NEXMIF: variants seen among roughly 807,000 people sequenced by gnomAD.
NEXMIF encodes the protein neurite extension and migration factor.
In NEXMIF, 8 loss-of-function variants were observed where a neutral mutation model predicts 62.1. That is an observed-to-expected ratio of 0.13 (90% CI 0.08 to 0.23). The LOEUF (loss-of-function observed/expected upper bound fraction) is 0.23. NEXMIF is among the 10% of genes least tolerant of loss of function. NEXMIF has a pLI of 1.00. For missense variants in NEXMIF, 976 were observed against 1,113.3 expected (o/e 0.88, Z 1.75); for synonymous variants, 404 against 416.6 (o/e 0.97, Z 0.37).
intron 1 of NEXMIF, among the ~76,000 whole-genome samples, chrX:74,881,144 T>C (rs886616244): frequency 1.6e-4 from 18 of 111,015 alleles, no homozygotes; most frequent in African/African-American, 5.6e-4. Flanking sequence ...TGGAAATTGC[T>C]AGAGAAAAGA....
At chrX:74,764,278 T>G (rs2080187747) in intron 1 of NEXMIF, among the ~76,000 whole-genome samples, 1 of 112,043 alleles carries the variant, frequency 8.9e-6, no homozygotes, top group African/African-American at 3.2e-5. Flanking sequence ...GTTTATTGAT[T>G]TGGATATGTT....
chrX:74,874,139 G>C (rs759418533), intron 1 of NEXMIF, among the ~76,000 whole-genome samples: 80 of 108,488 alleles, frequency 7.4e-4, no homozygotes, highest in Non-Finnish European at 1.2e-3. Flanking sequence ...TAACGTTTAA[G>C]TCTTTAATCC....
rs191278246 is a variant in NEXMIF at position 74,756,515 on chromosome X, G to A, written c.-47-10818C>T. Among the ~76,000 whole-genome samples, 103 of 111,025 alleles carry A rather than the reference G, an allele frequency of 9.3e-4. 1 individual carries two copies. The highest frequency in any genetic ancestry group is 3.2e-3 in the African/African-American group (99 of 30,538). On this transcript the variant is annotated intron_variant, in intron 1 of 3. Transcript: ENST00000055682. ...TCCTTTTATTTGCCACATGAGACAA[G>A]GAATGGGCTATCCAGGAGCAAGGGA...
chrX:74,814,127 T>C (rs1027179542), intron 1 of NEXMIF, among the ~76,000 whole-genome samples: 1 of 111,598 alleles, frequency 9.0e-6, no homozygotes, highest in Admixed American at 9.6e-5. Flanking sequence ...GATATTGACA[T>C]GATATTGTAT....
rs1009419428 is a variant in NEXMIF at position 74,896,554 on chromosome X, G to T, written c.-48+28329C>A. ...GAAGGAGTGGTCAGGTAGTAAGAGA[G>T]AAAAGTTTTCTAGCTCTTTCTTTTC... is the stretch of plus-strand genomic sequence containing the variant. On this transcript the variant is annotated intron_variant, in intron 1 of 3. Coordinates refer to ENST00000055682, the MANE Select transcript of NEXMIF (RefSeq NM_001008537.3). Among the ~76,000 whole-genome samples, 5 of 112,185 alleles carry T rather than the reference G, an allele frequency of 4.5e-5. No individual in the cohort carries two copies. In the Admixed American group the frequency reaches 4.7e-4, roughly 11 times the overall value.
intron 1 of NEXMIF, among the ~76,000 whole-genome samples, chrX:74,839,562 T>TCCCA (rs1182122404): frequency 8.9e-6 from 1 of 111,836 alleles, no homozygotes; most frequent in Non-Finnish European, 1.9e-5. Flanking sequence ...CTCTCTGTCC[T>TCCCA]CCCACCCTTC....
intron 1 of NEXMIF, among the ~76,000 whole-genome samples, chrX:74,915,245 T>C (rs2080802708): frequency 9.0e-6 from 1 of 111,680 alleles, no homozygotes; most frequent in Admixed American, 9.5e-5. Flanking sequence ...AAGATCAGCC[T>C]GGGCAACACA....
chrX:74,881,421 CACAG>C (rs10531447), intron 1 of NEXMIF, among the ~76,000 whole-genome samples: 12,841 of 109,226 alleles, frequency 0.12, 1,324 homozygotes, highest in East Asian at 0.86. Context: ...CACACACACA[CACAG>C]AGCAAATACA....
intron 1 of NEXMIF, among the ~76,000 whole-genome samples, chrX:74,796,114 T>A (rs774073899): frequency 5.0e-5 from 4 of 80,012 alleles, no homozygotes; most frequent in South Asian, 5.3e-4. Context: ...TTATATATAT[T>A]ATATATATAT....
intron 1 of NEXMIF, among the ~76,000 whole-genome samples, chrX:74,843,302 G>A (rs866038484): frequency 9.0e-6 from 1 of 111,129 alleles, no homozygotes; most frequent in South Asian, 3.8e-4. Flanking sequence ...CCTTGTTTTT[G>A]CTCTGTTTTC....
intron 1 of NEXMIF, among the ~76,000 whole-genome samples, chrX:74,789,798 C>A (rs1215686784): frequency 1.4e-3 from 147 of 108,321 alleles, no homozygotes; most frequent in Non-Finnish European, 2.5e-3. Context: ...TGTTCATGTC[C>A]TTCGCCCACT....
chrX:74,755,937 T>C (rs1188911683), intron 1 of NEXMIF, among the ~76,000 whole-genome samples: 1 of 111,704 alleles, frequency 9.0e-6, no homozygotes, highest in African/African-American at 3.3e-5. Context: ...CAGGCTGGAG[T>C]GCAGTCACGC....
At chrX:74,813,435 C>T (rs2080366629) in intron 1 of NEXMIF, among the ~76,000 whole-genome samples, 1 of 111,913 alleles carries the variant, frequency 8.9e-6, no homozygotes. Context: ...CAAGAGCTGC[C>T]CACAGTTGCC....
intron 1 of NEXMIF, among the ~76,000 whole-genome samples, chrX:74,758,852 T>C (rs1358342257): frequency 3.6e-5 from 4 of 112,398 alleles, no homozygotes; most frequent in Non-Finnish European, 7.5e-5. Context: ...TGAATAGTGC[T>C]GCAATGAACA....
chrX:74,741,087 G>A lies in NEXMIF; in HGVS notation c.3470C>T (p.Ser1157Leu). ...VSLLQKNPCL[S>L]TFNDPSGQIS... ...TTGACCAGATGGATCATTAAATGTT[G>A]ACAGGCAAGGGTTTTTTTGGAGCAG... The change falls in exon 3 of 4, where the codon TCA (serine) becomes TTA (leucine). Residue 1157 changes from serine (S) to leucine (L), a missense_variant. Around this residue, in one of 5 missense-constraint regions of NEXMIF, gnomAD observed 639 missense variants for 694.5 expected, o/e 0.92. Transcript: ENST00000055682. 1 of 1,211,375 alleles carries A rather than the reference G, an allele frequency of 8.3e-7. No homozygotes were observed. The highest frequency in any genetic ancestry group is 1.1e-6 in the Non-Finnish European group (1 of 895,310).
At position 74,743,340 on chromosome X, in the gene NEXMIF, T is replaced by C. The variant is rs1337639160; in HGVS notation, c.1217A>G (p.Lys406Arg). The change falls in exon 3 of 4, where the codon AAG (lysine) becomes AGG (arginine). Residue 406 changes from lysine to arginine, a missense_variant. Coordinates refer to ENST00000055682, the MANE Select transcript of NEXMIF (RefSeq NM_001008537.3). ...EKKDGKDNGE[K>R]PALNKPCSGT... ...ACTGCATGGTTTATTTAAGGCAGGC[T>C]TTTCTCCATTATCCTTTCCATCTTT... 8.3e-7 allele frequency: 1 copy of C among 1,209,700 alleles called. No individual in the cohort carries two copies. The highest frequency in any genetic ancestry group is 3.0e-5 in the East Asian group (1 of 33,753).
At chrX:74,769,810 T>C (rs1327143332) in intron 1 of NEXMIF, 3 of 450,943 alleles carry the variant, frequency 6.7e-6, no homozygotes, top group Non-Finnish European at 1.2e-5. Context: ...TACAGTATTA[T>C]ACTATAAAAA....
chrX:74,819,992 G>A (rs983335897), intron 1 of NEXMIF, among the ~76,000 whole-genome samples: 9 of 111,709 alleles, frequency 8.1e-5, no homozygotes, highest in Non-Finnish European at 1.5e-4. Flanking sequence ...ATACACCATG[G>A]AATACTATGC....
At position 74,735,674 on chromosome X, in the gene NEXMIF, GA is replaced by G. The variant is rs748012162; in HGVS notation, c.*3730del. ...CAGCTAGCACCAAGGACTTCAGTGA[GA>G]TGGCTGAAGAAGTGATGATCAAAGT... On this transcript the variant is annotated 3_prime_UTR_variant, in exon 4 of 4. Coordinates refer to ENST00000055682, the MANE Select transcript of NEXMIF (RefSeq NM_001008537.3). The G allele has an allele frequency of 1.8e-5, 2 of 112,268 alleles. No homozygotes were observed. The highest frequency in any genetic ancestry group is 1.9e-4 in the Admixed American group (2 of 10,464). 9.3% of individuals were successfully genotyped at this position (112,268 alleles called of 1,213,427 possible). A position where few individuals can be genotyped will look rare whatever the true frequency, so the allele number is the denominator to read the frequency against.
Sources: gnomAD v4.1 joint callset for allele counts (sites outside exome capture counted in the v4.1 genomes callset) on GRCh38, gnomAD v4.1.1 for gene constraint, gnomAD v4.1.1 regional missense constraint, MANE v1.5 for transcripts, NCBI Gene and HGNC (gene_info 2026-07-23, HGNC 2026-07-21) for gene names.